Variants in PDHX observed in about 807,000 individuals in gnomAD.
PDHX encodes pyruvate dehydrogenase protein X component, mitochondrial.
Under a neutral mutation model 55.3 loss-of-function variants are expected in PDHX, and 33 were observed. The ratio of observed to expected loss-of-function variants is 0.60; its 90% CI spans 0.45 to 0.80. The LOEUF (loss-of-function observed/expected upper bound fraction) is 0.80. PDHX is among the 30% of genes least tolerant of loss of function. The pLI is 0.00. For missense variants in PDHX, 622 were observed against 619.9 expected, an observed-to-expected ratio of 1.00 and a Z score of -0.04; for synonymous variants, 226 against 219.4, an observed-to-expected ratio of 1.03 and a Z score of -0.27.
intron 3 of PDHX, among the ~76,000 whole-genome samples, chr11:34,952,642 C>A (rs1481062477): frequency 2.6e-5 from 4 of 151,682 alleles, no homozygotes; most frequent in South Asian, 2.1e-4. Context: ...ATTCAACAAC[C>A]CTTCATGCTA....
At chr11:34,952,459 G>A (rs971550693) in intron 3 of PDHX, among the ~76,000 whole-genome samples, 3 of 151,884 alleles carry the variant, frequency 2.0e-5, no homozygotes, top group Admixed American at 6.6e-5. Flanking sequence ...CTGGCAAACC[G>A]AATCCAGCAG....
intron 1 of PDHX, among the ~76,000 whole-genome samples, chr11:34,923,210 T>C (rs1164409607): frequency 6.6e-6 from 1 of 152,104 alleles, no homozygotes; most frequent in East Asian, 1.9e-4. Context: ...GGGTGATTCA[T>C]TTTTTTGGTA....
chr11:34,933,553 G>A (rs1590733832), intron 2 of PDHX, among the ~76,000 whole-genome samples: 1 of 152,294 alleles, frequency 6.6e-6, no homozygotes, highest in East Asian at 1.9e-4. Flanking sequence ...TCTAAGGTTA[G>A]GAACGACCCT....
chr11:34,934,874 C>A lies in PDHX; in HGVS notation c.241+3390C>A, dbSNP rs117843469. Among the ~76,000 whole-genome samples the A allele has an allele frequency of 3.7e-3, 562 of 151,590 alleles. 17 individuals carry two copies. In the East Asian group the frequency reaches 0.067, roughly 18 times the overall value. On this transcript the variant is annotated intron_variant, in intron 2 of 10. Transcript: ENST00000227868. ...GATTACAGGCATAAGCCACCGCACC[C>A]AGCATAGGAATTATTAATTTTAAAG...
chr11:34,969,378 C>G (rs569960457), intron 6 of PDHX, among the ~76,000 whole-genome samples: 26 of 147,440 alleles, frequency 1.8e-4, no homozygotes, highest in Non-Finnish European at 3.9e-4. Flanking sequence ...CAATCTTGCT[C>G]TGTCGCCCAG....
chr11:34,985,834 A>G (rs1183896894), intron 9 of PDHX, among the ~76,000 whole-genome samples: 2 of 152,198 alleles, frequency 1.3e-5, no homozygotes, highest in African/African-American at 2.4e-5. Context: ...CTCAAAAGAA[A>G]TAAGTGCAAG....
chr11:34,932,016 A>G (rs2133947203), intron 2 of PDHX, among the ~76,000 whole-genome samples: 1 of 152,296 alleles, frequency 6.6e-6, no homozygotes, highest in South Asian at 2.1e-4. Context: ...TTGGTGCTTA[A>G]AAGACAGACC....
intron 2 of PDHX, among the ~76,000 whole-genome samples, chr11:34,943,954 A>G (rs1854558800): frequency 6.6e-6 from 1 of 152,024 alleles, no homozygotes; most frequent in Non-Finnish European, 1.5e-5. Flanking sequence ...GTCAATGGAT[A>G]TTAAGCAAGC....
intron 7 of PDHX, 108 bp from the exon 8 acceptor site, chr11:34,978,016 T>C: frequency 1.4e-6 from 1 of 703,044 alleles, no homozygotes; most frequent in South Asian, 1.6e-5. Flanking sequence ...TGTAATTTTT[T>C]ATCATTGTTT....
At chr11:34,948,712 G>T (rs1214682920) in intron 3 of PDHX, among the ~76,000 whole-genome samples, 1 of 150,728 alleles carries the variant, frequency 6.6e-6, no homozygotes, top group Non-Finnish European at 1.5e-5. Flanking sequence ...TAACTTCCTT[G>T]TAGGAATATG....
At chr11:34,930,291 T>C (rs1018281569) in intron 1 of PDHX, among the ~76,000 whole-genome samples, 1 of 152,218 alleles carries the variant, frequency 6.6e-6, no homozygotes, top group Non-Finnish European at 1.5e-5. Context: ...AACTTTCTCT[T>C]AAATACTTCA....
chr11:34,981,176 T>A (rs1475814975), intron 8 of PDHX, among the ~76,000 whole-genome samples: 1 of 151,510 alleles, frequency 6.6e-6, no homozygotes, highest in Non-Finnish European at 1.5e-5. Flanking sequence ...CAGGCCCGGG[T>A]GTGTGATGTT....
intron 3 of PDHX, among the ~76,000 whole-genome samples, chr11:34,950,048 A>G (rs946933735): frequency 3.3e-5 from 5 of 152,078 alleles, no homozygotes; most frequent in Non-Finnish European, 5.9e-5. Context: ...TGGTTTCTTC[A>G]CTTTATCTCA....
At chr11:34,964,465 G>A (rs183939580) in intron 5 of PDHX, among the ~76,000 whole-genome samples, 2 of 152,152 alleles carry the variant, frequency 1.3e-5, no homozygotes, top group East Asian at 1.9e-4. Context: ...TTAGCCAGGC[G>A]TGGTGATGCA....
At chr11:34,940,229 G>A (rs1170668044) in intron 2 of PDHX, among the ~76,000 whole-genome samples, 1 of 152,142 alleles carries the variant, frequency 6.6e-6, no homozygotes, top group Non-Finnish European at 1.5e-5. Context: ...TAGAATGTAC[G>A]TAGTAAGCAT....
At position 34,995,377 on chromosome 11, in the gene PDHX, A is replaced by C. The variant is rs912617365; in HGVS notation, c.*205A>C. ...AAATAAATGATGATAAACTCTAACT[A>C]ATAAAGGAAAGAGAATATTTGGTTA... On this transcript the variant is annotated 3_prime_UTR_variant, in exon 11 of 11. Transcript: ENST00000227868. 7 of 547,960 alleles carry C rather than the reference A, an allele frequency of 1.3e-5. No homozygotes were observed. The highest frequency in any genetic ancestry group is 5.0e-4 in the Middle Eastern group (1 of 2,010). The allele number at this position is 547,960 out of a possible 1,614,324, so 33.9% of individuals were successfully genotyped here.
intron 1 of PDHX, among the ~76,000 whole-genome samples, chr11:34,929,232 G>A (rs1319237117): frequency 6.6e-6 from 1 of 152,080 alleles, no homozygotes; most frequent in Non-Finnish European, 1.5e-5. Flanking sequence ...TAGTAAAAGT[G>A]GTATTTTTGT....
intron 1 of PDHX, 57 bp downstream of exon 1, chr11:34,916,872 AG>A (rs1179182251): frequency 4.7e-6 from 7 of 1,482,654 alleles, no homozygotes; most frequent in African/African-American, 1.4e-5. Context: ...GGCCTGGGAC[AG>A]GGGCAGTTAT....
chr11:34,968,669 A>G (rs1855189100), intron 6 of PDHX, among the ~76,000 whole-genome samples: 1 of 152,184 alleles, frequency 6.6e-6, no homozygotes, highest in Non-Finnish European at 1.5e-5. Context: ...AAATAATTGA[A>G]TTGCCTGTAT....
Sources: gnomAD v4.1 joint callset for allele counts (sites outside exome capture counted in the v4.1 genomes callset) on GRCh38, gnomAD v4.1.1 for gene constraint, MANE v1.5 for transcripts, NCBI Gene and HGNC (gene_info 2026-07-23, HGNC 2026-07-21) for gene names.